The following ANKRD36C variants were observed in gnomAD, a reference collection of about 807,000 sequenced individuals.
ANKRD36C encodes the protein ankyrin repeat domain 36C.
Under a neutral mutation model 276.4 loss-of-function variants are expected in ANKRD36C, and 61 were observed. The observed-to-expected ratio is 0.22, with a 90% CI of 0.18 to 0.27. The LOEUF (loss-of-function observed/expected upper bound fraction) is 0.27. Among genes scored for constraint, ANKRD36C ranks in the 10% least tolerant of loss-of-function variants. The pLI is 1.00. For synonymous variants in ANKRD36C, 483 were observed against 680.1 expected (o/e 0.71, Z 4.51); for missense variants, 1,447 against 2,032.3 (o/e 0.71, Z 5.54).
intron 34 of ANKRD36C, 149 bp downstream of exon 36, chr2:95,919,584 T>C (rs1677209363): frequency 2.5e-6 from 1 of 394,610 alleles, no homozygotes; most frequent in Non-Finnish European, 3.4e-6. Flanking sequence ...TCCCAAGAAA[T>C]TTATTACAAA....
chr2:95,883,243 A>T (rs1676127659), intron 54 of ANKRD36C, among the ~76,000 whole-genome samples: 2 of 152,134 alleles, frequency 1.3e-5, no homozygotes, highest in Non-Finnish European at 2.9e-5. Context: ...AGTTGCTACA[A>T]GCATTAGATA....
At position 95,987,029 on chromosome 2, in the gene ANKRD36C, A is replaced by G. The variant is rs1024552498; in HGVS notation, c.312+63T>C. ...GGTGGTATTCCAATGAGATAAATTCATTTTATCCTATGTACTTCAACCAAA... is the reference window on the plus strand; with the variant it reads ...GGTGGTATTCCAATGAGATAAATTCGTTTTATCCTATGTACTTCAACCAAA... On this transcript the variant is annotated intron_variant, in intron 2 of 66. Coordinates refer to ENST00000456556, the Ensembl canonical transcript of ANKRD36C. 9 of 1,469,394 alleles carry G rather than the reference A, an allele frequency of 6.1e-6. No homozygotes were observed. The African/African-American group carries it at 1.1e-4, about 18-fold the overall frequency. The allele number at this position is 1,469,394 out of a possible 1,614,324, so 91.0% of individuals were successfully genotyped here. A position where few individuals can be genotyped will look rare whatever the true frequency, so the allele number is the denominator to read the frequency against.
Position 95,978,207 on chromosome 2 carries a change from T to C in ANKRD36C, c.732-18A>G. The C allele has an allele frequency of 2.5e-6, 2 of 812,592 alleles. No homozygotes were observed. Among genetic ancestry groups the C allele is most frequent in the Non-Finnish European group, 1.9e-6 (1 of 524,164 alleles). 50.3% of individuals were successfully genotyped at this position (812,592 alleles called of 1,614,324 possible). A position where few individuals can be genotyped will look rare whatever the true frequency, so the allele number is the denominator to read the frequency against. On this transcript the variant is annotated intron_variant, in intron 5 of 66. Coordinates refer to ENST00000456556, the Ensembl canonical transcript of ANKRD36C. The stretch of plus-strand genomic sequence containing the variant: ...CAAAAATGCTATGCATAAAAATAAA[T>C]GAAATTAATATTTTAATACTATTAT...
At chr2:95,875,542 A>C (rs1355662255) in intron 59 of ANKRD36C, among the ~76,000 whole-genome samples, 1 of 60,976 alleles carries the variant, frequency 1.6e-5, no homozygotes, top group Non-Finnish European at 2.9e-5. Flanking sequence ...GGGTGGGGGG[A>C]GGGGGGAGGG....
intron 61 of ANKRD36C, among the ~76,000 whole-genome samples, chr2:95,859,635 T>C (rs544685803): frequency 2.2e-3 from 332 of 152,308 alleles, no homozygotes; most frequent in African/African-American, 7.6e-3. Flanking sequence ...TAAAATTCTA[T>C]ACAGCCATTA....
intron 24 of ANKRD36C, among the ~76,000 whole-genome samples, chr2:95,931,376 T>C (rs62153732): frequency 0.32 from 47,221 of 147,920 alleles, 8,831 homozygotes; most frequent in East Asian, 0.47. Context: ...GTTATTATCA[T>C]AGGCTCAGCA....
intron 54 of ANKRD36C, among the ~76,000 whole-genome samples, chr2:95,883,216 A>T (rs1421208388): frequency 6.6e-6 from 1 of 152,072 alleles, no homozygotes; most frequent in Admixed American, 6.6e-5. Context: ...CAAATTTGAC[A>T]TACTTATACA....
rs550384622 is a variant in ANKRD36C, at chr2:95,987,026, T to C, written c.312+66A>G. 48 of 1,481,322 alleles carry C rather than the reference T, an allele frequency of 3.2e-5. 3 individuals are homozygous for C. The South Asian group carries it at 6.2e-4, about 19-fold the overall frequency. 91.8% of individuals were successfully genotyped at this position (1,481,322 alleles called of 1,614,324 possible). The stretch of plus-strand genomic sequence containing the variant: ...TATGGTGGTATTCCAATGAGATAAA[T>C]TCATTTTATCCTATGTACTTCAACC... On this transcript the variant is annotated intron_variant, in intron 2 of 66. Transcript: ENST00000456556.
chr2:95,910,550 G>A (rs766144733), intron 42 of ANKRD36C: 6 of 1,606,422 alleles, frequency 3.7e-6, no homozygotes, highest in Non-Finnish European at 8.5e-7. Context: ...CTTCAAGGCT[G>A]GTGGTTTCTG....
intron 1 of ANKRD36C, among the ~76,000 whole-genome samples, chr2:95,987,683 G>T (rs1211072426): frequency 7.1e-6 from 1 of 141,078 alleles, no homozygotes; most frequent in Non-Finnish European, 1.5e-5. Context: ...CTGCAGTGGC[G>T]CAATCTCGGC....
intron 15 of ANKRD36C, among the ~76,000 whole-genome samples, chr2:95,950,995 T>C (rs1439098395): frequency 7.3e-3 from 1,041 of 141,734 alleles, no homozygotes; most frequent in African/African-American, 0.031. Context: ...CAACAAGGCC[T>C]GGTGTGGTGG....
intron 3 of ANKRD36C, among the ~76,000 whole-genome samples, chr2:95,986,384 A>G (rs1367389657): frequency 2.0e-5 from 3 of 152,152 alleles, no homozygotes; most frequent in Non-Finnish European, 2.9e-5. Flanking sequence ...AATTTAAAAT[A>G]AAGCCTATTT....
intron 42 of ANKRD36C, 28 bp downstream of exon 46, chr2:95,910,345 A>G: frequency 6.6e-7 from 1 of 1,524,928 alleles, no homozygotes; most frequent in Non-Finnish European, 8.8e-7. Flanking sequence ...TGGACAGAAC[A>G]CGACATTAAA....
intron 34 of ANKRD36C, 97 bp downstream of exon 34, chr2:95,921,510 C>G: frequency 1.3e-6 from 2 of 1,484,136 alleles, no homozygotes; most frequent in Non-Finnish European, 1.8e-6. Flanking sequence ...GCAGCTTCGG[C>G]GAGCCCCCCC....
At chr2:95,871,059 C>T (rs867642927) in intron 59 of ANKRD36C, among the ~76,000 whole-genome samples, 10 of 152,088 alleles carry the variant, frequency 6.6e-5, no homozygotes, top group South Asian at 4.1e-4. Flanking sequence ...CTGAAAGTCA[C>T]GGGGAGAATG....
chr2:95,926,592 G>T (rs946850878), intron 28 of ANKRD36C, among the ~76,000 whole-genome samples: 5 of 151,502 alleles, frequency 3.3e-5, no homozygotes, highest in Admixed American at 6.6e-5. Flanking sequence ...GAGTCACTGT[G>T]GTTGATCCCA....
At chr2:95,883,749 G>T (rs901925801) in intron 54 of ANKRD36C, among the ~76,000 whole-genome samples, 9 of 151,946 alleles carry the variant, frequency 5.9e-5, no homozygotes, top group Non-Finnish European at 4.4e-5. Context: ...TACATCAGCG[G>T]TCTCGTTAGT....
intron 44 of ANKRD36C, chr2:95,894,136 A>C (rs1416917307): frequency 1.7e-5 from 4 of 241,846 alleles, no homozygotes; most frequent in East Asian, 1.0e-4. Flanking sequence ...CATTATACTA[A>C]AAACATTCAT....
intron 3 of ANKRD36C, among the ~76,000 whole-genome samples, chr2:95,983,701 C>T (rs1480795524): frequency 1.3e-5 from 2 of 151,778 alleles, no homozygotes; most frequent in African/African-American, 4.8e-5. Context: ...ACCTCCGCCT[C>T]CCGGATTCAA....
Sources: allele counts gnomAD v4.1 joint callset (sites outside exome capture counted in the v4.1 genomes callset), GRCh38; gene constraint gnomAD v4.1.1; transcripts MANE v1.5; gene names NCBI Gene and HGNC (gene_info 2026-07-23, HGNC 2026-07-21).